The following SAXO1 variants were observed in gnomAD, a reference collection of about 807,000 sequenced individuals.
SAXO1 encodes the protein stabilizer of axonemal microtubules 1.
A neutral mutation model predicts 17.5 loss-of-function variants in SAXO1; 21 were observed. That is an observed-to-expected ratio of 1.20 (90% CI 0.85 to 1.72). The LOEUF is 1.72. SAXO1 is among the 40% of genes most tolerant of loss of function. SAXO1 has a pLI of 0.00. For missense variants in SAXO1, 843 were observed against 596.0 expected, an observed-to-expected ratio of 1.41 and a Z score of -4.32; for synonymous variants, 274 against 216.5, an observed-to-expected ratio of 1.27 and a Z score of -2.33.
chr9:18,938,540 T>G lies in SAXO1; in HGVS notation c.421+3097A>C, dbSNP rs188305576. Among the ~76,000 whole-genome samples the G allele has an allele frequency of 2.2e-3, 338 of 151,248 alleles. 1 individual carries two copies. The highest frequency in any genetic ancestry group is 7.9e-3 in the African/African-American group (327 of 41,138). On this transcript the variant is annotated intron_variant, in intron 3 of 3. Transcript: ENST00000380534. ...TTACAGTACTAAGGGGGCAGGGGGG[T>G]GCTAAACCATCAAAAACCGCCCCCA...
At chr9:18,952,690 G>A (rs1832081415) in intron 1 of SAXO1, among the ~76,000 whole-genome samples, 1 of 152,124 alleles carries the variant, frequency 6.6e-6, no homozygotes, top group African/African-American at 2.4e-5. Context: ...TTGATTCATG[G>A]TAAATATTTT....
chr9:18,967,447 G>A (rs1458540192), intron 1 of SAXO1, among the ~76,000 whole-genome samples: 1 of 152,220 alleles, frequency 6.6e-6, no homozygotes, highest in East Asian at 1.9e-4. Context: ...GCCCTGCCCA[G>A]AGAGGAGGAA....
Position 18,950,852 on chromosome 9 carries a change from G to T in SAXO1, c.124C>A (p.Pro42Thr). 1 of 1,613,326 alleles carries T rather than the reference G, an allele frequency of 6.2e-7. No homozygotes were observed. The highest frequency in any genetic ancestry group is 8.5e-7 in the Non-Finnish European group (1 of 1,179,634). ...CLLSEYTENYPFYHSYLPRES... is the reference protein window; with the variant it reads ...CLLSEYTENYTFYHSYLPRES... Reference sequence around the variant, plus strand: ...CTGGGCAGGTAGGAGTGATAGAAAGGGTAGTTCTCGGTATATTCGGAGAGA... The same window carrying T: ...CTGGGCAGGTAGGAGTGATAGAAAGTGTAGTTCTCGGTATATTCGGAGAGA... The change falls in exon 2 of 4, where the codon CCT (proline) becomes ACT (threonine). Residue 42 changes from proline to threonine, a missense_variant. Pro to Thr is a conservative substitution (Grantham distance 38). Transcript: ENST00000380534.
intron 1 of SAXO1, among the ~76,000 whole-genome samples, chr9:19,046,990 CA>C (rs1446024152): frequency 3.9e-5 from 6 of 152,190 alleles, no homozygotes; most frequent in Non-Finnish European, 8.8e-5. Context: ...AGTTTGAGAC[CA>C]GCCTGGCCAA....
intron 1 of SAXO1, among the ~76,000 whole-genome samples, chr9:19,009,494 G>A (rs181282304): frequency 1.2e-4 from 18 of 152,298 alleles, no homozygotes; most frequent in South Asian, 2.1e-4. Context: ...GTGGCAAAAA[G>A]GGGGAAGCTG....
At position 18,950,864 on chromosome 9, in the gene SAXO1, T is replaced by C. The variant is rs947995950; in HGVS notation, c.112A>G (p.Thr38Ala). The C allele has an allele frequency of 6.2e-6, 10 of 1,613,688 alleles. No individual in the cohort carries two copies. Residue 38 changes from threonine to alanine, a missense_variant, in exon 2 of 4, where the codon ACC (threonine) becomes GCC (alanine). Thr to Ala is a moderately conservative substitution (Grantham distance 58). Coordinates refer to ENST00000380534, the MANE Select transcript of SAXO1 (RefSeq NM_153707.4). ...TEKPCLLSEY[T>A]ENYPFYHSYL... The stretch of plus-strand genomic sequence containing the variant: ...GAGTGATAGAAAGGGTAGTTCTCGG[T>C]ATATTCGGAGAGAAGACATGGTTTC...
intron 1 of SAXO1, among the ~76,000 whole-genome samples, chr9:18,973,516 C>T (rs1833027802): frequency 6.6e-6 from 1 of 152,224 alleles, no homozygotes; most frequent in African/African-American, 2.4e-5. Context: ...AAACAAAATG[C>T]AGCCAAAACC....
chr9:18,928,704 A>C lies in SAXO1; in HGVS notation c.773T>G (p.Leu258Arg). Reference protein sequence around the residue: ...MGEPAKSLKPLARPPGLDMPF... With the variant: ...MGEPAKSLKPRARPPGLDMPF... ...CATGTCTAGCCCAGGAGGCCTGGCTAGAGGTTTCAAGCTCTTGGCAGGCTC... is the reference window on the plus strand; with the variant it reads ...CATGTCTAGCCCAGGAGGCCTGGCTCGAGGTTTCAAGCTCTTGGCAGGCTC... The change falls in exon 4 of 4, where the codon CTA (leucine) becomes CGA (arginine). Residue 258 changes from leucine (L) to arginine (R), a missense_variant. Transcript: ENST00000380534. 6.2e-7 allele frequency: 1 copy of C among 1,614,152 alleles called. No homozygotes were observed. Among genetic ancestry groups the C allele is most frequent in the Non-Finnish European group, 8.5e-7 (1 of 1,180,022 alleles).
At chr9:19,004,127 G>T (rs1339850999) in intron 1 of SAXO1, among the ~76,000 whole-genome samples, 1 of 152,110 alleles carries the variant, frequency 6.6e-6, no homozygotes, top group African/African-American at 2.4e-5. Context: ...ACAGACATAT[G>T]AAAAAATGCT....
chr9:18,989,630 T>TA (rs552683734), intron 1 of SAXO1, among the ~76,000 whole-genome samples: 6 of 151,374 alleles, frequency 4.0e-5, no homozygotes, highest in Admixed American at 2.6e-4. Context: ...TTCAGGCTTT[T>TA]AAAAAAAAAT....
intron 1 of SAXO1, among the ~76,000 whole-genome samples, chr9:18,969,525 C>G (rs374616420): frequency 6.6e-6 from 1 of 152,228 alleles, no homozygotes; most frequent in African/African-American, 2.4e-5. Flanking sequence ...TCACCCCTAT[C>G]CAAGACTGGG....
At chr9:19,042,719 A>G (rs530039879) in intron 1 of SAXO1, among the ~76,000 whole-genome samples, 6 of 152,294 alleles carry the variant, frequency 3.9e-5, no homozygotes, top group African/African-American at 1.4e-4. Flanking sequence ...AAAATTAGCC[A>G]GGCATGGTGG....
intron 3 of SAXO1, among the ~76,000 whole-genome samples, chr9:18,941,165 T>G (rs967899529): frequency 6.6e-6 from 1 of 152,218 alleles, no homozygotes; most frequent in African/African-American, 2.4e-5. Context: ...TAGCCTGAAC[T>G]TGAAATGCTT....
chr9:18,941,359 G>A (rs1831547771), intron 3 of SAXO1, among the ~76,000 whole-genome samples: 1 of 152,028 alleles, frequency 6.6e-6, no homozygotes, highest in African/African-American at 2.4e-5. Flanking sequence ...GAATATGGCT[G>A]CGTTCCAATA....
chr9:18,939,243 T>C (rs1831445893), intron 3 of SAXO1, among the ~76,000 whole-genome samples: 2 of 152,222 alleles, frequency 1.3e-5, no homozygotes, highest in South Asian at 4.1e-4. Context: ...TCTGGTCTTC[T>C]TGTAAACACT....
intron 1 of SAXO1, among the ~76,000 whole-genome samples, chr9:19,005,946 A>T (rs4395970): frequency 6.6e-6 from 1 of 151,666 alleles, no homozygotes; most frequent in Non-Finnish European, 1.5e-5. Flanking sequence ...AAAACAAAAA[A>T]AACAAACAAA....
At chr9:19,004,937 A>C (rs993094873) in intron 1 of SAXO1, among the ~76,000 whole-genome samples, 9 of 152,222 alleles carry the variant, frequency 5.9e-5, no homozygotes, top group African/African-American at 1.7e-4. Flanking sequence ...AAATGAACCC[A>C]GGAAAGAGGT....
intron 1 of SAXO1, among the ~76,000 whole-genome samples, chr9:18,974,638 T>C (rs1833064946): frequency 6.6e-6 from 1 of 152,190 alleles, no homozygotes; most frequent in African/African-American, 2.4e-5. Context: ...AGTATTAAAA[T>C]AAATGATGAT....
chr9:19,018,573 A>C (rs948454027), intron 1 of SAXO1, among the ~76,000 whole-genome samples: 1 of 152,238 alleles, frequency 6.6e-6, no homozygotes, highest in African/African-American at 2.4e-5. Flanking sequence ...GCTTCACGTC[A>C]TGGCTAGAGT....
Sources: gnomAD v4.1 joint callset for allele counts (sites outside exome capture counted in the v4.1 genomes callset) on GRCh38, gnomAD v4.1.1 for gene constraint, MANE v1.5 for transcripts, NCBI Gene and HGNC (gene_info 2026-07-23, HGNC 2026-07-21) for gene names.